The following CCDC171 variants were observed in gnomAD, a reference collection of about 807,000 sequenced individuals.
CCDC171 encodes the protein coiled-coil domain containing 171.
A neutral mutation model predicts 168.2 loss-of-function variants in CCDC171; 177 were observed. That is an observed-to-expected ratio of 1.05 (90% CI 0.93 to 1.19). CCDC171 has a LOEUF of 1.19. CCDC171 is among the 50% of genes most tolerant of loss of function. The probability of loss-of-function intolerance (pLI) is 0.00; values close to 1 mark genes in which losing one functional copy is unlikely to be tolerated. For missense variants in CCDC171, 1,991 were observed against 1,539.0 expected (o/e 1.29, Z -4.91); for synonymous variants, 687 against 540.8 (o/e 1.27, Z -3.75).
At chr9:16,006,335 C>T (rs1428235524) in intron 3 of CCDC171, among the ~76,000 whole-genome samples, 1 of 152,128 alleles carries the variant, frequency 6.6e-6, no homozygotes, top group Non-Finnish European at 1.5e-5. Context: ...ATTTGCATTT[C>T]CCTGATAATT....
intron 4 of CCDC171, among the ~76,000 whole-genome samples, chr9:15,579,963 T>A (rs1363734599): frequency 2.0e-5 from 3 of 152,202 alleles, no homozygotes; most frequent in African/African-American, 7.2e-5. Flanking sequence ...GAACACTGAA[T>A]GTGAATTCAG....
chr9:15,961,023 AT>A (rs1564074305), intron 25 of CCDC171, among the ~76,000 whole-genome samples: 1 of 152,194 alleles, frequency 6.6e-6, no homozygotes, highest in African/African-American at 2.4e-5. Flanking sequence ...GCAAAAAAAA[AT>A]GGGTTTCAAA....
intron 25 of CCDC171, among the ~76,000 whole-genome samples, chr9:15,930,413 A>G (rs904118949): frequency 1.3e-5 from 2 of 151,572 alleles, no homozygotes; most frequent in African/African-American, 4.8e-5. Context: ...TAAAAAAAAA[A>G]GACAACACAG....
rs1012197288 is a variant in CCDC171 at position 15,630,726 on chromosome 9, T to G, written c.822+7313T>G. Among the ~76,000 whole-genome samples, 3 of 152,068 alleles carry G rather than the reference T, an allele frequency of 2.0e-5. No individual in the cohort carries two copies. In the East Asian group the frequency reaches 5.8e-4, roughly 29 times the overall value. On this transcript the variant is annotated intron_variant, in intron 7 of 25. Transcript: ENST00000380701. ...ACCCCAAATCAACAGAATATACATT[T>G]TTTTCAGCACCACACCTACTCCAAA...
chr9:15,829,970 A>G (rs935075334), intron 21 of CCDC171, among the ~76,000 whole-genome samples: 4 of 152,176 alleles, frequency 2.6e-5, no homozygotes, highest in African/African-American at 9.7e-5. Flanking sequence ...TAATTATGGC[A>G]TAATAGTAGG....
chr9:15,553,763 GA>G (rs2038537759), intron 1 of CCDC171, among the ~76,000 whole-genome samples: 1 of 152,198 alleles, frequency 6.6e-6, no homozygotes, highest in Non-Finnish European at 1.5e-5. Context: ...GACTCTGAGA[GA>G]CTTAGAATCT....
chr9:15,827,032 G>T (rs531817609), intron 21 of CCDC171, among the ~76,000 whole-genome samples: 1 of 152,280 alleles, frequency 6.6e-6, no homozygotes. Context: ...GTTGGTGGCT[G>T]GTTGGCTTTC....
At chr9:16,021,655 G>A (rs186907560) in intron 4 of CCDC171, among the ~76,000 whole-genome samples, 106 of 152,278 alleles carry the variant, frequency 7.0e-4, no homozygotes, top group African/African-American at 2.4e-3. Flanking sequence ...TAGTGGTTGA[G>A]GATTAAATGA....
chr9:15,751,808 A>G (rs1430405079), intron 18 of CCDC171, among the ~76,000 whole-genome samples: 2 of 152,222 alleles, frequency 1.3e-5, no homozygotes, highest in African/African-American at 4.8e-5. Context: ...TAAAAACGCT[A>G]GAAGAAAACC....
chr9:15,865,790 C>A (rs1280302242), intron 23 of CCDC171, among the ~76,000 whole-genome samples: 2 of 151,318 alleles, frequency 1.3e-5, no homozygotes, highest in Non-Finnish European at 2.9e-5. Context: ...CATGGATTTT[C>A]AACTCTGTGG....
intron 24 of CCDC171, among the ~76,000 whole-genome samples, chr9:15,908,981 T>C (rs144374695): frequency 3.9e-5 from 6 of 152,294 alleles, no homozygotes; most frequent in Admixed American, 6.5e-5. Flanking sequence ...AACAACCAAC[T>C]GTGCACTTCT....
chr9:15,964,871 C>A (rs544077963), intron 25 of CCDC171, among the ~76,000 whole-genome samples: 2 of 152,312 alleles, frequency 1.3e-5, no homozygotes, highest in South Asian at 4.1e-4. Flanking sequence ...AGCGATTCTC[C>A]TGCCTCAGCC....
chr9:15,718,895 T>C (rs2053266616), intron 11 of CCDC171, among the ~76,000 whole-genome samples: 1 of 152,010 alleles, frequency 6.6e-6, no homozygotes, highest in Non-Finnish European at 1.5e-5. Flanking sequence ...TAGACTAAAA[T>C]AAATAACTAA....
chr9:15,822,495 A>C (rs1252311300), intron 21 of CCDC171, among the ~76,000 whole-genome samples: 1 of 152,154 alleles, frequency 6.6e-6, no homozygotes, highest in African/African-American at 2.4e-5. Flanking sequence ...AAGAAAAAAA[A>C]CAAACACCCA....
At chr9:15,752,610 G>T (rs776860774) in intron 18 of CCDC171, among the ~76,000 whole-genome samples, 3 of 152,128 alleles carry the variant, frequency 2.0e-5, no homozygotes, top group Non-Finnish European at 2.9e-5. Context: ...GATGAAGGTG[G>T]AAACCATCAT....
At chr9:15,910,668 G>T (rs1823490202) in intron 24 of CCDC171, among the ~76,000 whole-genome samples, 1 of 152,020 alleles carries the variant, frequency 6.6e-6, no homozygotes, top group East Asian at 1.9e-4. Flanking sequence ...CCTACATTAG[G>T]TATTTCTCCT....
intron 3 of CCDC171, among the ~76,000 whole-genome samples, chr9:15,982,709 A>C (rs1485127209): frequency 6.6e-6 from 1 of 151,910 alleles, no homozygotes; most frequent in East Asian, 1.9e-4. Context: ...TCTCAGCCTA[A>C]TTTCCACATG....
intron 24 of CCDC171, among the ~76,000 whole-genome samples, chr9:15,900,265 T>A (rs569245037): frequency 5.9e-5 from 9 of 152,174 alleles, no homozygotes; most frequent in African/African-American, 2.2e-4. Context: ...GAGATGTTCT[T>A]CTGAGGGACT....
chr9:15,670,096 A>G (rs563069257), intron 9 of CCDC171, among the ~76,000 whole-genome samples: 47 of 152,236 alleles, frequency 3.1e-4, no homozygotes, highest in African/African-American at 1.1e-3. Flanking sequence ...ATTCAGAGAC[A>G]AGGCATCTCC....
Sources: allele counts gnomAD v4.1 joint callset (sites outside exome capture counted in the v4.1 genomes callset), GRCh38; gene constraint gnomAD v4.1.1; transcripts MANE v1.5; gene names NCBI Gene and HGNC (gene_info 2026-07-23, HGNC 2026-07-21).